FRYL: variants seen among roughly 807,000 people sequenced by gnomAD.
FRYL encodes FRY like transcription coactivator.
Under a neutral mutation model 351.2 loss-of-function variants are expected in FRYL, and 150 were observed. The observed-to-expected ratio is 0.43, with a 90% CI of 0.37 to 0.49. FRYL has a LOEUF of 0.49. Ranked by LOEUF, FRYL falls within the 20% of genes least tolerant of loss-of-function variation. The pLI is 0.00. For missense variants in FRYL, 3,036 were observed against 3,619.3 expected, an observed-to-expected ratio of 0.84 and a Z score of 4.13; for synonymous variants, 1,153 against 1,257.1, an observed-to-expected ratio of 0.92 and a Z score of 1.75.
rs1744496973 is a variant in FRYL at position 48,595,952 on chromosome 4, A to G, written c.1084T>C (p.Leu362=). The change falls in exon 14 of 64, where the codon TTA becomes CTA. Residue 362 remains leucine (L), a synonymous_variant. Transcript: ENST00000358350. ...ATTCTAATTACATAAACCCACAATA[A>G]TCTATACAAAGATTCCAGTGCAACT... The part of the protein sequence containing the change: ...SRVALESLYR[L]LWVYVIRIKC... 6.2e-7 allele frequency: 1 copy of G among 1,606,586 alleles called. No homozygotes were observed. Among genetic ancestry groups the G allele is most frequent in the African/African-American group, 1.3e-5 (1 of 74,584 alleles).
intron 7 of FRYL, 39 bp from the exon 8 acceptor site, chr4:48,609,862 T>C (rs1747694572): frequency 8.5e-7 from 1 of 1,178,304 alleles, no homozygotes; most frequent in South Asian, 1.5e-5. Flanking sequence ...AGTTAAATTA[T>C]TGGTTTTTTA....
chr4:48,645,625 G>A (rs1457276588), intron 3 of FRYL, among the ~76,000 whole-genome samples: 1 of 152,122 alleles, frequency 6.6e-6, no homozygotes, highest in African/African-American at 2.4e-5. Context: ...CCTTAAGTCA[G>A]AATCAAAATC....
intron 1 of FRYL, among the ~76,000 whole-genome samples, chr4:48,761,052 G>GTGTGT (rs1318972774): frequency 3.4e-5 from 4 of 118,196 alleles, no homozygotes; most frequent in African/African-American, 1.3e-4. Context: ...TGTGTGTGTT[G>GTGTGT]AAGAGGAAAT....
intron 1 of FRYL, among the ~76,000 whole-genome samples, chr4:48,731,878 A>T (rs541404322): frequency 2.0e-5 from 3 of 151,360 alleles, no homozygotes; most frequent in Non-Finnish European, 4.4e-5. Flanking sequence ...GCATGGGCAA[A>T]ATGTCTAAAA....
chr4:48,681,095 T>C (rs747547122), intron 3 of FRYL: 4 of 1,265,210 alleles, frequency 3.2e-6, no homozygotes, highest in Non-Finnish European at 4.1e-6. Flanking sequence ...CCCGAAAGAA[T>C]GGGAGGAACA....
chr4:48,520,238 A>C (rs377005914), intron 55 of FRYL, among the ~76,000 whole-genome samples: 18 of 152,304 alleles, frequency 1.2e-4, no homozygotes, highest in African/African-American at 4.3e-4. Flanking sequence ...GCTTGCTAAT[A>C]AGGAAGCCAA....
chr4:48,616,054 A>G (rs1749356250), intron 7 of FRYL, among the ~76,000 whole-genome samples: 1 of 151,912 alleles, frequency 6.6e-6, no homozygotes, highest in Non-Finnish European at 1.5e-5. Context: ...AACATCACAC[A>G]CTGGGGCCTC....
At chr4:48,697,540 C>T (rs548051030) in intron 2 of FRYL, among the ~76,000 whole-genome samples, 34 of 152,226 alleles carry the variant, frequency 2.2e-4, no homozygotes, top group South Asian at 1.4e-3. Flanking sequence ...CCCCAGGCTG[C>T]GGTGTCTCAG....
rs112053747 is a variant in FRYL at position 48,653,411 on chromosome 4, G to A, written c.-80-18921C>T. 4.8e-3 allele frequency among the ~76,000 whole-genome samples: 726 copies of A among 151,756 alleles called. 5 individuals are homozygous for A. Among genetic ancestry groups the A allele is most frequent in the African/African-American group, 0.016 (671 of 41,358 alleles). On this transcript the variant is annotated intron_variant, in intron 3 of 63. Transcript: ENST00000358350. ...AATCTATTTGTGGTCTTCTTCCCCC[G>A]TCCCACACCCCGCCCCCCATTTATG...
chr4:48,759,053 G>A (rs557556239), intron 1 of FRYL, among the ~76,000 whole-genome samples: 1 of 152,138 alleles, frequency 6.6e-6, no homozygotes, highest in African/African-American at 2.4e-5. Flanking sequence ...GACACACGGT[G>A]GGGAACATCA....
chr4:48,502,074 GA>G (rs1719810597), intron 61 of FRYL, among the ~76,000 whole-genome samples: 1 of 152,140 alleles, frequency 6.6e-6, no homozygotes, highest in Non-Finnish European at 1.5e-5. Context: ...CAAATGCAAA[GA>G]CTTTTGCCCT....
Position 48,590,758 on chromosome 4 carries a change from T to A in FRYL, c.1408A>T (p.Met470Leu). 6.2e-7 allele frequency: 1 copy of A among 1,613,710 alleles called. No individual in the cohort carries two copies. ...GGAAGAATAACTCCTGTTGTTGGCA[T>A]GGGTGGTTCACCATCTTTCTGCTGC... ...SLQQKDGEPP[M>L]PTTGVILPSG... The change falls in exon 17 of 64, where the codon ATG (methionine) becomes TTG (leucine). Residue 470 changes from methionine to leucine, a missense_variant. By Grantham distance (15) the Met-to-Leu change is conservative. This residue lies in a region of FRYL where 457 missense variants were observed against 566.6 expected (regional missense o/e 0.81). Transcript: ENST00000358350.
At chr4:48,620,595 AGT>A (rs1419266778) in intron 6 of FRYL, 42 bp downstream of exon 6, 1 of 1,549,440 alleles carries the variant, frequency 6.5e-7, no homozygotes, top group African/African-American at 1.4e-5. Context: ...CTTCATTGGA[AGT>A]GTGTTAATTC....
chr4:48,718,079 T>C (rs973762744), intron 1 of FRYL, among the ~76,000 whole-genome samples: 4 of 151,646 alleles, frequency 2.6e-5, no homozygotes, highest in African/African-American at 7.3e-5. Flanking sequence ...TTCAATTTCC[T>C]TGTAGGGGAA....
intron 11 of FRYL, among the ~76,000 whole-genome samples, chr4:48,604,427 A>C (rs1445532417): frequency 1.3e-5 from 2 of 152,230 alleles, no homozygotes; most frequent in Non-Finnish European, 2.9e-5. Context: ...ATTGCAGATC[A>C]CATTAATTAA....
chr4:48,501,867 T>C (rs1044964350), intron 61 of FRYL, 134 bp from the exon 62 acceptor site: 1 of 614,312 alleles, frequency 1.6e-6, no homozygotes, highest in Non-Finnish European at 2.9e-6. Flanking sequence ...ATGAAGCTGA[T>C]GAAAGGCACG....
intron 1 of FRYL, among the ~76,000 whole-genome samples, chr4:48,752,885 G>A (rs1773391018): frequency 6.6e-6 from 1 of 152,152 alleles, no homozygotes; most frequent in South Asian, 2.1e-4. Flanking sequence ...AACAGATGCT[G>A]GGAGCTGCAG....
At chr4:48,759,908 TG>T (rs1488517123) in intron 1 of FRYL, among the ~76,000 whole-genome samples, 1 of 152,220 alleles carries the variant, frequency 6.6e-6, no homozygotes, top group Non-Finnish European at 1.5e-5. Context: ...GAACATAACA[TG>T]CACAGGTTCT....
chr4:48,605,858 T>C lies in FRYL; in HGVS notation c.742-25A>G, dbSNP rs577966005. On this transcript the variant is annotated intron_variant, in intron 10 of 63. Coordinates refer to ENST00000358350, the MANE Select transcript of FRYL (RefSeq NM_015030.2). Reference sequence around the variant, plus strand: ...CCTTAAAGGGAAAGAGGTATATACTTAGATTAACAAAAGAGGAAAGGTTAA... The same window carrying C: ...CCTTAAAGGGAAAGAGGTATATACTCAGATTAACAAAAGAGGAAAGGTTAA... 19 of 1,286,422 alleles carry C rather than the reference T, an allele frequency of 1.5e-5. No individual in the cohort carries two copies. The South Asian group carries it at 2.4e-4, about 17-fold the overall frequency. 79.7% of individuals were successfully genotyped at this position (1,286,422 alleles called of 1,614,324 possible).
Sources: gnomAD v4.1 joint callset for allele counts (sites outside exome capture counted in the v4.1 genomes callset) on GRCh38, gnomAD v4.1.1 for gene constraint, gnomAD v4.1.1 regional missense constraint, MANE v1.5 for transcripts, NCBI Gene and HGNC (gene_info 2026-07-23, HGNC 2026-07-21) for gene names.